Variants in ENTPD3 observed in about 807,000 individuals in gnomAD.
The protein encoded by ENTPD3 is CD39 antigen-like 3.
In ENTPD3, 60 loss-of-function variants were observed where a neutral mutation model predicts 51.2. The observed-to-expected ratio is 1.17, with a 90% CI of 0.95 to 1.45. ENTPD3 has a LOEUF of 1.45. Ranked by LOEUF, ENTPD3 falls within the 40% of genes most tolerant of loss-of-function variation. The pLI is 0.00. For synonymous variants in ENTPD3, 221 were observed against 238.4 expected (o/e 0.93, Z 0.67); for missense variants, 593 against 641.1 (o/e 0.93, Z 0.81).
At chr3:40,411,536 T>G (rs1955630984) in intron 4 of ENTPD3, among the ~76,000 whole-genome samples, 1 of 152,128 alleles carries the variant, frequency 6.6e-6, no homozygotes, top group African/African-American at 2.4e-5. Flanking sequence ...TTCAATATAC[T>G]ATTCTCTCTA....
intron 4 of ENTPD3, among the ~76,000 whole-genome samples, chr3:40,410,590 T>C (rs1377435264): frequency 6.6e-6 from 1 of 152,134 alleles, no homozygotes; most frequent in African/African-American, 2.4e-5. Flanking sequence ...CTAATCCCTA[T>C]ATATTTTTTT....
intron 5 of ENTPD3, among the ~76,000 whole-genome samples, chr3:40,413,625 G>A (rs1955683398): frequency 6.6e-6 from 1 of 152,072 alleles, no homozygotes; most frequent in Non-Finnish European, 1.5e-5. Flanking sequence ...CAGTCTTTCA[G>A]TGAGAAATAA....
chr3:40,390,114 G>A (rs11714032), intron 2 of ENTPD3, among the ~76,000 whole-genome samples: 38,260 of 152,094 alleles, frequency 0.25, 5,901 homozygotes, highest in East Asian at 0.51. Flanking sequence ...ATTGGAATTC[G>A]ATGAATCTAG....
intron 10 of ENTPD3, chr3:40,424,731 A>G (rs1553645739): frequency 1.4e-6 from 1 of 701,912 alleles, no homozygotes; most frequent in Non-Finnish European, 2.6e-6. Context: ...AGCCAGCACT[A>G]TGTTCCCCAG....
intron 4 of ENTPD3, among the ~76,000 whole-genome samples, chr3:40,408,929 TC>T (rs886746536): frequency 1.7e-5 from 2 of 114,686 alleles, no homozygotes; most frequent in African/African-American, 1.9e-4. Flanking sequence ...GGAACATTTT[TC>T]TTTTTTTAGG....
At position 40,427,912 on chromosome 3, in the gene ENTPD3, A is replaced by G. The variant is rs771107974; in HGVS notation, c.*404A>G. The G allele has an allele frequency of 1.4e-5, 3 of 208,278 alleles. No individual in the cohort carries two copies. The highest frequency in any genetic ancestry group is 4.6e-5 in the African/African-American group (2 of 43,476). The allele number at this position is 208,278 out of a possible 1,614,324, so 12.9% of individuals were successfully genotyped here. A position where few individuals can be genotyped will look rare whatever the true frequency, so the allele number is the denominator to read the frequency against. On this transcript the variant is annotated 3_prime_UTR_variant, in exon 11 of 11. Coordinates refer to ENST00000301825, the MANE Select transcript of ENTPD3 (RefSeq NM_001248.4). ...AAGATACCCATTAAGCATTTCGCCA[A>G]TCAGAATCTCATTTTATAGTTTTTC...
At chr3:40,395,497 G>A (rs554636189) in intron 3 of ENTPD3, among the ~76,000 whole-genome samples, 2 of 152,348 alleles carry the variant, frequency 1.3e-5, no homozygotes, top group South Asian at 4.1e-4. Flanking sequence ...CTAGGGAACT[G>A]AGATGGGTCA....
chr3:40,414,589 G>A (rs1559515278), intron 5 of ENTPD3, 92 bp from the exon 6 acceptor site: 20 of 1,361,314 alleles, frequency 1.5e-5, no homozygotes, highest in South Asian at 1.4e-4. Context: ...GCAGGGAGAC[G>A]GTGAAGTTTG....
chr3:40,404,942 G>A (rs1279555017), intron 4 of ENTPD3, among the ~76,000 whole-genome samples: 1 of 152,130 alleles, frequency 6.6e-6, no homozygotes, highest in Non-Finnish European at 1.5e-5. Context: ...CATTGCCTTT[G>A]CTGGCGGTTT....
At chr3:40,391,695 A>T in intron 2 of ENTPD3, 1 of 325,696 alleles carries the variant, frequency 3.1e-6, no homozygotes, top group Non-Finnish European at 5.6e-6. Context: ...AAAAAAGAAA[A>T]GAAAAAGAAA....
At chr3:40,399,991 A>G (rs533329733) in intron 3 of ENTPD3, among the ~76,000 whole-genome samples, 3 of 152,154 alleles carry the variant, frequency 2.0e-5, no homozygotes, top group Non-Finnish European at 4.4e-5. Context: ...TCAGCCGGGC[A>G]CGGTGGCTCA....
chr3:40,397,139 T>TTTTTTTTC (rs1553642641), intron 3 of ENTPD3, among the ~76,000 whole-genome samples: 9 of 145,806 alleles, frequency 6.2e-5, no homozygotes, highest in Middle Eastern at 3.2e-3. Flanking sequence ...TTTTTTTTTT[T>TTTTTTTTC]CAGAAAGCCT....
chr3:40,423,417 G>A lies in ENTPD3; in HGVS notation c.1215+16G>A, dbSNP rs774480480. On this transcript the variant is annotated intron_variant, in intron 9 of 10. Coordinates refer to ENST00000301825, the MANE Select transcript of ENTPD3 (RefSeq NM_001248.4). ...TTGGAGTCAGGTCAGTATTTAAAGA[G>A]AAGGGATCAATGTCAGTACAAAAAA... 4 of 1,536,552 alleles carry A rather than the reference G, an allele frequency of 2.6e-6. No individual in the cohort carries two copies. The highest frequency in any genetic ancestry group is 3.6e-6 in the Non-Finnish European group (4 of 1,110,410).
chr3:40,393,492 T>C (rs1443473215), intron 3 of ENTPD3, among the ~76,000 whole-genome samples: 1 of 152,170 alleles, frequency 6.6e-6, no homozygotes, highest in Non-Finnish European at 1.5e-5. Context: ...AAGAAACTAA[T>C]ATTGTTTTGG....
At chr3:40,401,707 A>C (rs1955361531) in intron 4 of ENTPD3, among the ~76,000 whole-genome samples, 1 of 152,236 alleles carries the variant, frequency 6.6e-6, no homozygotes, top group African/African-American at 2.4e-5. Context: ...TATAATTCTC[A>C]TATCATGAAA....
chr3:40,409,231 A>G (rs954808457), intron 4 of ENTPD3, among the ~76,000 whole-genome samples: 1 of 152,130 alleles, frequency 6.6e-6, no homozygotes, highest in Non-Finnish European at 1.5e-5. Flanking sequence ...CAGCCTGGAC[A>G]ACAAGAGCAA....
Position 40,407,359 on chromosome 3 carries a change from T to G in ENTPD3, c.287-4453T>G, listed in dbSNP as rs532568660. Among the ~76,000 whole-genome samples the G allele has an allele frequency of 1.1e-3, 173 of 152,282 alleles. 2 individuals are homozygous for G. Among genetic ancestry groups the G allele is most frequent in the South Asian group, 1.5e-3 (7 of 4,820 alleles). On this transcript the variant is annotated intron_variant, in intron 4 of 10. Coordinates refer to ENST00000301825, the MANE Select transcript of ENTPD3 (RefSeq NM_001248.4). ...GTTTGCATTTCAAAAAAAAAAAACT[T>G]TACTTGTGGACACTGACATTTTAAT...
chr3:40,399,251 A>G (rs1955285254), intron 3 of ENTPD3, among the ~76,000 whole-genome samples: 1 of 152,092 alleles, frequency 6.6e-6, no homozygotes, highest in Non-Finnish European at 1.5e-5. Flanking sequence ...AAAAGATACA[A>G]CAAGGGCTAA....
At chr3:40,391,702 G>T in intron 2 of ENTPD3, 1 of 325,748 alleles carries the variant, frequency 3.1e-6, no homozygotes, top group Non-Finnish European at 5.5e-6. Flanking sequence ...AAAAGAAAAA[G>T]AAAAAAGTAA....
Sources: gnomAD v4.1 joint callset for allele counts (sites outside exome capture counted in the v4.1 genomes callset) on GRCh38, gnomAD v4.1.1 for gene constraint, MANE v1.5 for transcripts, NCBI Gene and HGNC (gene_info 2026-07-23, HGNC 2026-07-21) for gene names.